Variants in PRRT4 observed in about 807,000 individuals in gnomAD.
The protein encoded by PRRT4 is proline-rich transmembrane protein 4.
Under a neutral mutation model 55.6 loss-of-function variants are expected in PRRT4, and 59 were observed. The ratio of observed to expected loss-of-function variants is 1.06; its 90% confidence interval spans 0.86 to 1.32. The LOEUF (loss-of-function observed/expected upper bound fraction) is 1.32. Ranked by LOEUF, PRRT4 falls within the 40% of genes most tolerant of loss-of-function variation. The probability of loss-of-function intolerance (pLI) is 0.00; values close to 1 mark genes in which losing one functional copy is unlikely to be tolerated. For synonymous variants in PRRT4, 606 were observed against 601.8 expected, an observed-to-expected ratio of 1.01 and a Z score of -0.10; for missense variants, 1,217 against 1,222.0, an observed-to-expected ratio of 1.00 and a Z score of 0.06.
At chr7:128,351,368 G>A in exon 5 of PRRT4, 1 of 1,545,996 alleles carries the variant, frequency 6.5e-7, no homozygotes, top group South Asian at 1.2e-5. Flanking sequence ...TCGATGCTGC[G>A]TCGCAGGTTG....
Position 128,352,448 on chromosome 7 carries a change from C to CACGCG in PRRT4, c.1107_1108insCGCGT (p.Val370ArgfsTer3). 1 of 1,538,882 alleles carries CACGCG rather than the reference C, an allele frequency of 6.5e-7. No homozygotes were observed. The highest frequency in any genetic ancestry group is 2.4e-5 in the East Asian group (1 of 40,898). ...GCAACCAGGCCGAAGAGCGCGCCTA[C>CACGCG]CCCGTACACGTGGGCCTCCCAGGCC... On this transcript the variant is annotated frameshift_variant, in exon 5 of 5. Coordinates refer to ENST00000535159, the Ensembl canonical transcript of PRRT4. LOFTEE classifies it high-confidence loss of function.
rs1276151769 is a variant in PRRT4, at chr7:128,351,075, G to A, written c.2481C>T (p.Arg827=). The stretch of plus-strand genomic sequence containing the variant: ...GACTGAGGACGCAGACCAGAGGGCA[G>A]CGCGGGGGCCTGTCGGGGCTGGAAC... Residue 827 remains arginine, a synonymous_variant, in exon 5 of 5, where the codon CGC becomes CGT. Transcript: ENST00000535159. 5 of 1,549,126 alleles carry A rather than the reference G, an allele frequency of 3.2e-6. No individual in the cohort carries two copies. The African/African-American group carries it at 4.1e-5, about 13-fold the overall frequency.
At chr7:128,351,115 G>A (rs1326159256) in exon 5 of PRRT4, 8 of 1,548,118 alleles carry the variant, frequency 5.2e-6, no homozygotes, top group Non-Finnish European at 7.0e-6. Flanking sequence ...CAGCATGGAC[G>A]AGCTGTCCCG....
chr7:128,355,834 A>C (rs1342425795), intron 4 of PRRT4, among the ~76,000 whole-genome samples: 1 of 152,200 alleles, frequency 6.6e-6, no homozygotes, highest in Non-Finnish European at 1.5e-5. Flanking sequence ...TTCACTGTAC[A>C]GGTAAGTGCA....
At chr7:128,352,428 C>T (rs1048156437) in exon 5 of PRRT4, 2 of 1,537,340 alleles carry the variant, frequency 1.3e-6, no homozygotes, top group Non-Finnish European at 1.7e-6. Flanking sequence ...GCAAGGCAAC[C>T]AGGCCGAAGA....
At chr7:128,355,106 G>A (rs543825751) in intron 4 of PRRT4, among the ~76,000 whole-genome samples, 12 of 152,320 alleles carry the variant, frequency 7.9e-5, no homozygotes, top group East Asian at 1.9e-4. Flanking sequence ...CTAAACTTGC[G>A]TAGAAAGACA....
At position 128,351,108 on chromosome 7, in the gene PRRT4, C is replaced by G; in HGVS notation, c.2448G>C (p.Met816Ile). ...GCCTGTCGGGGCTGGAACACAGCAG[C>G]ATGGACGAGCTGTCCCGCGAGAGTC... The change falls in exon 5 of 5, where the codon ATG becomes ATC. Residue 816 changes from methionine (M) to isoleucine (I), a missense_variant. Physicochemically the swap from Met to Ile is conservative, Grantham distance 10. Coordinates refer to ENST00000535159, the Ensembl canonical transcript of PRRT4. The G allele has an allele frequency of 1.3e-6, 2 of 1,548,432 alleles. No homozygotes were observed. The highest frequency in any genetic ancestry group is 8.7e-7 in the Non-Finnish European group (1 of 1,146,812).
At position 128,358,866 on chromosome 7, in the gene PRRT4, A is replaced by G; in HGVS notation, c.758-66T>C. On this transcript the variant is annotated intron_variant, in intron 3 of 4. Coordinates refer to ENST00000535159, the Ensembl canonical transcript of PRRT4. The surrounding 1 kb of genome is among the most constrained non-coding windows in gnomAD (Gnocchi z 4.4). Reference sequence around the variant, plus strand: ...ACCAGCCTTGCCTCTGGGAGTTTGGAGAAAATTATGTCCTTCCCCAGAGTT... The same window carrying G: ...ACCAGCCTTGCCTCTGGGAGTTTGGGGAAAATTATGTCCTTCCCCAGAGTT... The G allele has an allele frequency of 6.8e-6, 10 of 1,473,676 alleles. No homozygotes were observed. Among genetic ancestry groups the G allele is most frequent in the Non-Finnish European group, 9.0e-6 (10 of 1,115,742 alleles). 91.3% of individuals were successfully genotyped at this position (1,473,676 alleles called of 1,614,324 possible).
exon 5 of PRRT4, chr7:128,351,565 C>T: frequency 6.7e-7 from 1 of 1,498,890 alleles, no homozygotes. Flanking sequence ...GATGGCGCTC[C>T]CCAGGGGCTC....
At chr7:128,357,209 T>TACACACACAC (rs763703914) in intron 4 of PRRT4, among the ~76,000 whole-genome samples, 3 of 127,268 alleles carry the variant, frequency 2.4e-5, no homozygotes, top group African/African-American at 5.9e-5. Context: ...TTGATACAAA[T>TACACACACAC]ACACACACAC....
chr7:128,354,602 C>A (rs954494901), intron 4 of PRRT4, among the ~76,000 whole-genome samples: 2 of 150,946 alleles, frequency 1.3e-5, no homozygotes, highest in Admixed American at 6.6e-5. Flanking sequence ...CACACACACA[C>A]AACAGTTCTT....
In PRRT4 at chr7:128,358,662, A is replaced by G. The variant is rs1432707289; in HGVS notation, c.877+19T>C. 1 of 1,550,890 alleles carries G rather than the reference A, an allele frequency of 6.4e-7. No individual in the cohort carries two copies. The highest frequency in any genetic ancestry group is 1.4e-5 in the African/African-American group (1 of 73,056). ...TGCTCAATAAATAATTGTCAAGTTC[A>G]AATGAATTGGATACTTACCTAATGA... On this transcript the variant is annotated intron_variant, in intron 4 of 4. Coordinates refer to ENST00000535159, the Ensembl canonical transcript of PRRT4. The surrounding 1 kb of genome is among the most constrained non-coding windows in gnomAD (Gnocchi z 4.4).
exon 2 of PRRT4, chr7:128,359,858 G>C (rs965358752): frequency 1.2e-5 from 18 of 1,488,290 alleles, no homozygotes; most frequent in Non-Finnish European, 1.5e-5. Context: ...CAGCATAGAG[G>C]CCTCACTTTG....
chr7:128,361,217 A>G (rs1487368718), intron 1 of PRRT4, 89 bp downstream of exon 2: 1 of 133,284 alleles, frequency 7.5e-6, no homozygotes, highest in Non-Finnish European at 1.6e-5. Flanking sequence ...CCATCCCCCC[A>G]CACTCGTACA....
intron 4 of PRRT4, 96 bp from the exon 6 acceptor site, chr7:128,352,774 C>T (rs1267600212): frequency 4.9e-6 from 6 of 1,212,230 alleles, no homozygotes; most frequent in Non-Finnish European, 4.5e-6. Context: ...AGTCCCCTAC[C>T]GTATCCAGGA....
At chr7:128,353,072 T>C (rs753452748) in intron 4 of PRRT4, among the ~76,000 whole-genome samples, 1 of 152,084 alleles carries the variant, frequency 6.6e-6, no homozygotes, top group Non-Finnish European at 1.5e-5. Flanking sequence ...AGAACGGGGA[T>C]TTTTGTTTCT....
At chr7:128,351,546 C>T (rs1796970128) in exon 5 of PRRT4, 4 of 1,483,084 alleles carry the variant, frequency 2.7e-6, no homozygotes, top group African/African-American at 2.9e-5. Context: ...GCTCCGCGTC[C>T]CCGCGAGCGA....
At chr7:128,350,732 T>G, downstream of PRRT4, 12 of 1,417,620 alleles carry the variant, frequency 8.5e-6, no homozygotes, top group Non-Finnish European at 1.1e-5. Flanking sequence ...GACCCCTGGA[T>G]GGGGAAGGAA....
In PRRT4 at chr7:128,351,640, C is replaced by A. The variant is rs1279254541; in HGVS notation, c.1916G>T (p.Arg639Leu). The stretch of plus-strand genomic sequence containing the variant: ...CGGAGCCGCGTGGCCCGGGGACAAG[C>A]GGAAGAGCTTGGCCCAGCAGCGCGG... Residue 639 changes from arginine to leucine, a missense_variant, in exon 5 of 5, where the codon CGC (arginine) becomes CTC (leucine). By Grantham distance (102) the Arg-to-Leu change is moderately radical. Around this residue, in one of 3 missense-constraint regions of PRRT4, gnomAD observed 642 missense variants for 600.9 expected, o/e 1.07. Transcript: ENST00000535159. 6 of 1,514,558 alleles carry A rather than the reference C, an allele frequency of 4.0e-6. No homozygotes were observed. In the African/African-American group the frequency reaches 4.3e-5, roughly 11 times the overall value. The allele number at this position is 1,514,558 out of a possible 1,614,324, so 93.8% of individuals were successfully genotyped here.
Sources: allele counts gnomAD v4.1 joint callset (sites outside exome capture counted in the v4.1 genomes callset), GRCh38; gene constraint gnomAD v4.1.1; regional missense constraint gnomAD v4.1.1; non-coding constraint Gnocchi (gnomAD v3.1); transcripts MANE v1.5; gene names NCBI Gene and HGNC (gene_info 2026-07-23, HGNC 2026-07-21).